The following ZNF804B variants were observed in gnomAD, a reference collection of about 807,000 sequenced individuals.
The protein encoded by ZNF804B is zinc finger protein 804B.
Under a neutral mutation model 101.4 loss-of-function variants are expected in ZNF804B, and 80 were observed. The ratio of observed to expected loss-of-function variants is 0.79; its 90% confidence interval spans 0.66 to 0.95. The LOEUF is 0.95. ZNF804B is among the 40% of genes least tolerant of loss of function. The pLI, the probability that ZNF804B is intolerant of heterozygous loss-of-function variation, is 0.00. For synonymous variants in ZNF804B, 622 were observed against 558.8 expected (o/e 1.11, Z -1.59); for missense variants, 1,673 against 1,561.9 (o/e 1.07, Z -1.20).
chr7:89,275,187 C>T (rs1412566172), intron 2 of ZNF804B, among the ~76,000 whole-genome samples: 1 of 151,980 alleles, frequency 6.6e-6, no homozygotes, highest in African/African-American at 2.4e-5. Flanking sequence ...TCCAGCTTCT[C>T]TGGCCAAAAA....
intron 1 of ZNF804B, among the ~76,000 whole-genome samples, chr7:89,008,722 C>T (rs1045850235): frequency 2.0e-5 from 3 of 152,084 alleles, no homozygotes; most frequent in South Asian, 4.1e-4. Context: ...TGATATCCCG[C>T]CTTTATTCCC....
chr7:88,975,990 A>G (rs931820162), intron 1 of ZNF804B, among the ~76,000 whole-genome samples: 1 of 151,630 alleles, frequency 6.6e-6, no homozygotes, highest in Non-Finnish European at 1.5e-5. Context: ...CTGCATATGC[A>G]TATCCAGTTT....
intron 1 of ZNF804B, among the ~76,000 whole-genome samples, chr7:88,819,593 C>T (rs529908247): frequency 2.2e-4 from 33 of 152,086 alleles, no homozygotes; most frequent in Non-Finnish European, 4.3e-4. Context: ...TTCCTGCTTA[C>T]TGACTTGTCC....
At chr7:89,310,596 G>C (rs1178139742) in intron 2 of ZNF804B, among the ~76,000 whole-genome samples, 1 of 152,106 alleles carries the variant, frequency 6.6e-6, no homozygotes, top group East Asian at 1.9e-4. Flanking sequence ...TACTTTGCAG[G>C]TATGTTCAAA....
chr7:89,157,781 T>A (rs1790998476), intron 1 of ZNF804B, among the ~76,000 whole-genome samples: 1 of 152,128 alleles, frequency 6.6e-6, no homozygotes, highest in African/African-American at 2.4e-5. Context: ...AAAAGACAGG[T>A]CAGGTGTGTG....
chr7:88,892,225 C>T (rs569198278), intron 1 of ZNF804B, among the ~76,000 whole-genome samples: 2 of 152,122 alleles, frequency 1.3e-5, no homozygotes, highest in South Asian at 4.2e-4. Flanking sequence ...TTTGTATGAT[C>T]TCTGTTATTT....
intron 1 of ZNF804B, among the ~76,000 whole-genome samples, chr7:89,173,853 G>A (rs1175679856): frequency 6.6e-6 from 1 of 151,722 alleles, no homozygotes; most frequent in South Asian, 2.1e-4. Context: ...TGATGAAAAG[G>A]GACTGTGACA....
intron 1 of ZNF804B, among the ~76,000 whole-genome samples, chr7:89,203,825 A>G (rs966771219): frequency 6.6e-6 from 1 of 152,198 alleles, no homozygotes; most frequent in Admixed American, 6.5e-5. Context: ...AAGCAAAGCC[A>G]TTGGCTTTAT....
At chr7:89,322,808 T>G (rs990038254) in intron 2 of ZNF804B, among the ~76,000 whole-genome samples, 2 of 152,106 alleles carry the variant, frequency 1.3e-5, no homozygotes, top group Non-Finnish European at 2.9e-5. Flanking sequence ...CCAGAAAAAA[T>G]ACTCCAGGAA....
At chr7:89,327,800 C>T (rs1790918905) in intron 3 of ZNF804B, among the ~76,000 whole-genome samples, 1 of 150,664 alleles carries the variant, frequency 6.6e-6, no homozygotes, top group Non-Finnish European at 1.5e-5. Flanking sequence ...TTTTAAAAAC[C>T]ATAATTAACA....
At chr7:89,019,300 C>A (rs1301162662) in intron 1 of ZNF804B, among the ~76,000 whole-genome samples, 6 of 151,926 alleles carry the variant, frequency 3.9e-5, no homozygotes, top group Admixed American at 3.9e-4. Context: ...AGATATTCCT[C>A]TTGGTATAGA....
chr7:89,269,311 G>T (rs1192383858), intron 2 of ZNF804B, among the ~76,000 whole-genome samples: 1 of 152,042 alleles, frequency 6.6e-6, no homozygotes, highest in African/African-American at 2.4e-5. Flanking sequence ...AGAACATGTT[G>T]TGTTTGGTTT....
At chr7:89,074,549 G>C (rs762015446) in intron 1 of ZNF804B, among the ~76,000 whole-genome samples, 2 of 152,124 alleles carry the variant, frequency 1.3e-5, no homozygotes, top group African/African-American at 4.8e-5. Flanking sequence ...CACCACAATT[G>C]TGAGGCCTCC....
At chr7:88,955,935 A>G (rs755073993) in intron 1 of ZNF804B, among the ~76,000 whole-genome samples, 4 of 151,854 alleles carry the variant, frequency 2.6e-5, no homozygotes, top group African/African-American at 9.6e-5. Flanking sequence ...GGATCTGAAT[A>G]GACATTTCTG....
At chr7:88,860,383 T>C (rs574886878) in intron 1 of ZNF804B, among the ~76,000 whole-genome samples, 1 of 152,148 alleles carries the variant, frequency 6.6e-6, no homozygotes, top group Non-Finnish European at 1.5e-5. Context: ...ACAGGTGACA[T>C]ATTTATTTTT....
At chr7:89,018,011 T>C (rs941156757) in intron 1 of ZNF804B, among the ~76,000 whole-genome samples, 1 of 152,132 alleles carries the variant, frequency 6.6e-6, no homozygotes, top group African/African-American at 2.4e-5. Context: ...CTTTATTTTA[T>C]TATCTTGCCT....
chr7:89,050,643 G>C (rs1189370249), intron 1 of ZNF804B, among the ~76,000 whole-genome samples: 2 of 152,106 alleles, frequency 1.3e-5, no homozygotes, highest in Non-Finnish European at 2.9e-5. Flanking sequence ...AGGTGCATTA[G>C]ATATCGTCAT....
intron 1 of ZNF804B, among the ~76,000 whole-genome samples, chr7:88,805,526 A>G (rs1262357467): frequency 6.6e-6 from 1 of 152,198 alleles, no homozygotes; most frequent in Non-Finnish European, 1.5e-5. Context: ...TGGAAACTGT[A>G]CCTACTAACA....
chr7:89,127,942 A>G (rs1790497497), intron 1 of ZNF804B, among the ~76,000 whole-genome samples: 1 of 151,740 alleles, frequency 6.6e-6, no homozygotes, highest in African/African-American at 2.4e-5. Flanking sequence ...TTTTTCTACC[A>G]TTTTTGATCA....
Sources: gnomAD v4.1 joint callset for allele counts (sites outside exome capture counted in the v4.1 genomes callset) on GRCh38, gnomAD v4.1.1 for gene constraint, MANE v1.5 for transcripts, NCBI Gene and HGNC (gene_info 2026-07-23, HGNC 2026-07-21) for gene names.